Variants in STAU1 observed in about 807,000 individuals in gnomAD.
STAU1 encodes staufen double-stranded RNA binding protein 1.
Under a neutral mutation model 62.9 loss-of-function variants are expected in STAU1, and 13 were observed. The observed-to-expected ratio is 0.21, with a 90% confidence interval of 0.13 to 0.33. STAU1 has a LOEUF of 0.33. Ranked by LOEUF, STAU1 falls within the 10% of genes least tolerant of loss-of-function variation. The pLI is 1.00. For synonymous variants in STAU1, 269 were observed against 265.1 expected, an observed-to-expected ratio of 1.01 and a Z score of -0.14; for missense variants, 571 against 712.1, an observed-to-expected ratio of 0.80 and a Z score of 2.25.
chr20:49,148,281 G>A (rs1221274886), intron 5 of STAU1, among the ~76,000 whole-genome samples: 1 of 152,162 alleles, frequency 6.6e-6, no homozygotes, highest in Non-Finnish European at 1.5e-5. Flanking sequence ...CTCATGCAAC[G>A]TGTCGCAGTC....
chr20:49,135,938 G>T lies in STAU1; in HGVS notation c.511-7C>A, dbSNP rs1037697920. 80 of 1,607,348 alleles carry T rather than the reference G, an allele frequency of 5.0e-5. No homozygotes were observed. Among genetic ancestry groups the T allele is most frequent in the Non-Finnish European group, 6.5e-5 (76 of 1,175,356 alleles). ...CGGATTCTCTTCCATTCACCTGTAA[G>T]AATAATTGTTTAGTAGTTAGCTCTT... is the stretch of plus-strand genomic sequence containing the variant. On this transcript the variant is annotated splice_polypyrimidine_tract_variant and splice_region_variant and intron_variant, in intron 5 of 13. Coordinates refer to ENST00000371856, the MANE Select transcript of STAU1 (RefSeq NM_017453.4).
intron 13 of STAU1, 123 bp from the exon 14 acceptor site, chr20:49,115,016 T>C: frequency 5.9e-6 from 6 of 1,010,098 alleles, no homozygotes; most frequent in Non-Finnish European, 9.0e-6. Flanking sequence ...CAGTTTATGA[T>C]AACAAAAGTT....
chr20:49,180,698 C>A (rs1024158240), intron 1 of STAU1, among the ~76,000 whole-genome samples: 2 of 152,196 alleles, frequency 1.3e-5, no homozygotes, highest in Admixed American at 1.3e-4. Flanking sequence ...GTTAATAAGA[C>A]AGCCCCTCCC....
Position 49,153,924 on chromosome 20 carries a change from A to AAAAC in STAU1, c.344+8_344+9insGTTT. On this transcript the variant is annotated intron_variant, in intron 4 of 13. Coordinates refer to ENST00000371856, the MANE Select transcript of STAU1 (RefSeq NM_017453.4). ...TATTTTACAAAAAAAAAAAAAAAAA[A>AAAAC]ACACATACCTCGGGGGATAAGCACC... 1.3e-6 allele frequency: 2 copies of AAAAC among 1,533,718 alleles called. No individual in the cohort carries two copies. The highest frequency in any genetic ancestry group is 1.3e-5 in the South Asian group (1 of 79,834).
chr20:49,174,980 G>A (rs1043776448), intron 1 of STAU1, among the ~76,000 whole-genome samples: 4 of 150,126 alleles, frequency 2.7e-5, no homozygotes, highest in Admixed American at 6.7e-5. Context: ...CCAACATGGG[G>A]AAACCCATCT....
At chr20:49,188,031 C>T (rs1451252125) in intron 1 of STAU1, 85 bp downstream of exon 1, 1 of 151,490 alleles carries the variant, frequency 6.6e-6, no homozygotes, top group Non-Finnish European at 1.5e-5. Flanking sequence ...CCCGCCGAGG[C>T]CTAGGCCCCA....
chr20:49,121,611 T>C (rs115153917), intron 8 of STAU1, among the ~76,000 whole-genome samples: 1 of 151,758 alleles, frequency 6.6e-6, no homozygotes, highest in African/African-American at 2.4e-5. Context: ...CAATAAAGTG[T>C]ATATTATTTA....
chr20:49,213,291 C>T, the STAU1 span, among the ~76,000 whole-genome samples: 6 of 151,938 alleles, frequency 3.9e-5, no homozygotes, highest in South Asian at 2.1e-4. Context: ...AGTGCCGTGG[C>T]GCAATCTTGG....
At chr20:49,120,491 T>C (rs975749133) in intron 8 of STAU1, among the ~76,000 whole-genome samples, 1 of 152,222 alleles carries the variant, frequency 6.6e-6, no homozygotes, top group African/African-American at 2.4e-5. Context: ...AGCATTGCCA[T>C]TGGAAGTATC....
chr20:49,133,271 T>C (rs1418008893), intron 6 of STAU1, among the ~76,000 whole-genome samples: 2 of 152,160 alleles, frequency 1.3e-5, no homozygotes, highest in African/African-American at 4.8e-5. Flanking sequence ...GAAATCTCAG[T>C]GACTCTGGGT....
the STAU1 span, among the ~76,000 whole-genome samples, chr20:49,210,737 C>G: frequency 6.6e-6 from 1 of 152,226 alleles, no homozygotes; most frequent in East Asian, 1.9e-4. Context: ...GTAAAAATGA[C>G]TTTTCTATCA....
rs949187844 is a variant in STAU1, at chr20:49,126,270, T to C, written c.610-1683A>G. 4.0e-5 allele frequency among the ~76,000 whole-genome samples: 6 copies of C among 151,546 alleles called. No individual in the cohort carries two copies. In the East Asian group the frequency reaches 9.7e-4, roughly 24 times the overall value. ...AAGAAAGTGATTACAATAACACAGATAGAAAATCAGGCTGGGCAGGGTGGC... is the reference window on the plus strand; with the variant it reads ...AAGAAAGTGATTACAATAACACAGACAGAAAATCAGGCTGGGCAGGGTGGC... On this transcript the variant is annotated intron_variant, in intron 6 of 13. Coordinates refer to ENST00000371856, the MANE Select transcript of STAU1 (RefSeq NM_017453.4).
At chr20:49,123,635 A>G (rs2092521564) in intron 7 of STAU1, among the ~76,000 whole-genome samples, 1 of 152,206 alleles carries the variant, frequency 6.6e-6, no homozygotes, top group African/African-American at 2.4e-5. Flanking sequence ...ACTTTTTTAA[A>G]AAAGCTCAAG....
At chr20:49,215,699 T>C in the STAU1 span, among the ~76,000 whole-genome samples, 1 of 152,118 alleles carries the variant, frequency 6.6e-6, no homozygotes, top group South Asian at 2.1e-4. Context: ...TCTCCGAGAA[T>C]AAAATCAGTA....
At chr20:49,193,643 G>A in the STAU1 span, among the ~76,000 whole-genome samples, 1 of 150,880 alleles carries the variant, frequency 6.6e-6, no homozygotes, top group Admixed American at 6.6e-5. Context: ...TGCAACTCCA[G>A]CCTGGGCCTG....
At chr20:49,121,433 T>A (rs1313328864) in intron 8 of STAU1, among the ~76,000 whole-genome samples, 1 of 152,088 alleles carries the variant, frequency 6.6e-6, no homozygotes, top group Non-Finnish European at 1.5e-5. Context: ...AAAAAATGTA[T>A]CTCAACCAGT....
At chr20:49,136,917 C>T (rs544115738) in intron 5 of STAU1, among the ~76,000 whole-genome samples, 2 of 152,144 alleles carry the variant, frequency 1.3e-5, no homozygotes, top group Non-Finnish European at 2.9e-5. Context: ...AGGCTGGTCT[C>T]GAACTCCTGA....
At chr20:49,214,363 C>A in the STAU1 span, among the ~76,000 whole-genome samples, 14 of 151,894 alleles carry the variant, frequency 9.2e-5, no homozygotes, top group Admixed American at 5.3e-4. Context: ...ACTAAACATA[C>A]AAAAATTAGC....
At chr20:49,119,924 C>T (rs550297222) in intron 9 of STAU1, 58 bp downstream of exon 9, 6 of 1,574,894 alleles carry the variant, frequency 3.8e-6, no homozygotes, top group African/African-American at 2.7e-5. Flanking sequence ...GGAGGTGCCC[C>T]AGTTCCCTAG....
Sources: allele counts gnomAD v4.1 joint callset (sites outside exome capture counted in the v4.1 genomes callset), GRCh38; gene constraint gnomAD v4.1.1; transcripts MANE v1.5; gene names NCBI Gene and HGNC (gene_info 2026-07-23, HGNC 2026-07-21).